The following CDH22 variants were observed in gnomAD, a reference collection of about 807,000 sequenced individuals.
The protein encoded by CDH22 is cadherin 22, also known as cadherin-22.
CDH22 carries 30 observed loss-of-function variants against 58.4 expected under a neutral mutation model. The ratio of observed to expected loss-of-function variants is 0.51; its 90% CI spans 0.38 to 0.70. The LOEUF is 0.70. Among genes scored for constraint, CDH22 ranks in the 30% least tolerant of loss-of-function variants. The probability of loss-of-function intolerance (pLI) is 0.00; values close to 1 mark genes in which losing one functional copy is unlikely to be tolerated. For missense variants in CDH22, 1,014 were observed against 1,233.9 expected, an observed-to-expected ratio of 0.82 and a Z score of 2.67; for synonymous variants, 513 against 558.2, an observed-to-expected ratio of 0.92 and a Z score of 1.14.
At chr20:46,263,173 G>C (rs536649826) in intron 1 of CDH22, among the ~76,000 whole-genome samples, 44 of 152,322 alleles carry the variant, frequency 2.9e-4, no homozygotes, top group Admixed American at 2.6e-3. Flanking sequence ...TTGCACTACT[G>C]AATGTGTGAG....
At chr20:46,185,346 T>C (rs1360501726) in intron 10 of CDH22, among the ~76,000 whole-genome samples, 1 of 152,096 alleles carries the variant, frequency 6.6e-6, no homozygotes, top group Non-Finnish European at 1.5e-5. Context: ...GGGAGGAATC[T>C]CACAGTGGAC....
At chr20:46,204,419 G>A (rs6032720) in intron 7 of CDH22, among the ~76,000 whole-genome samples, 4,797 of 137,614 alleles carry the variant, frequency 0.035, 180 homozygotes, top group African/African-American at 0.077. Context: ...AAAAAAAAAA[G>A]AGAGAGAGAC....
At chr20:46,263,440 A>ATG (rs1266960120) in intron 1 of CDH22, among the ~76,000 whole-genome samples, 8 of 123,540 alleles carry the variant, frequency 6.5e-5, no homozygotes, top group Admixed American at 5.7e-4. Flanking sequence ...GTGTGTGTGC[A>ATG]TGTGTGTGTG....
At chr20:46,181,736 C>CTTTCT (rs2085786977) in intron 10 of CDH22, among the ~76,000 whole-genome samples, 1 of 48,970 alleles carries the variant, frequency 2.0e-5, no homozygotes, top group Non-Finnish European at 4.5e-5. Context: ...TCCTTCCTTC[C>CTTTCT]TTCCTTCCTT....
chr20:46,304,706 G>C (rs2086666700), intron 1 of CDH22, among the ~76,000 whole-genome samples: 1 of 152,206 alleles, frequency 6.6e-6, no homozygotes, highest in South Asian at 2.1e-4. Context: ...TCATGTGTTT[G>C]AAATCAGACC....
intron 7 of CDH22, among the ~76,000 whole-genome samples, chr20:46,202,218 T>A (rs1007746151): frequency 1.3e-5 from 2 of 151,986 alleles, no homozygotes; most frequent in African/African-American, 4.8e-5. Context: ...CCAGGAAGTA[T>A]CAAAGGGGGG....
At chr20:46,197,910 C>A (rs1196490408) in intron 8 of CDH22, among the ~76,000 whole-genome samples, 2 of 151,964 alleles carry the variant, frequency 1.3e-5, no homozygotes, top group African/African-American at 4.8e-5. Flanking sequence ...AGAGGGCTGG[C>A]AGGAGGAGCT....
Position 46,241,103 on chromosome 20 carries a change from G to A in CDH22, c.410C>T (p.Ala137Val). ...REQKTFYTLR[A>V]QARDRATNRL... ...GTTGGTGGCGCGATCCCGAGCCTGGGCCCGCAGCGTGTAGAAGGTTTTCTG... is the reference window on the plus strand; with the variant it reads ...GTTGGTGGCGCGATCCCGAGCCTGGACCCGCAGCGTGTAGAAGGTTTTCTG... The change falls in exon 3 of 12, where the codon GCC (alanine) becomes GTC (valine). Residue 137 changes from alanine (A) to valine (V), a missense_variant. Transcript: ENST00000537909. The surrounding 1 kb of genome is among the most constrained non-coding windows in gnomAD (Gnocchi z 5.2). 1.9e-6 allele frequency: 3 copies of A among 1,614,178 alleles called. No homozygotes were observed. The highest frequency in any genetic ancestry group is 2.5e-6 in the Non-Finnish European group (3 of 1,180,030).
chr20:46,202,611 C>A (rs1030732813), intron 7 of CDH22, among the ~76,000 whole-genome samples: 2 of 152,174 alleles, frequency 1.3e-5, no homozygotes, highest in African/African-American at 2.4e-5. Flanking sequence ...CCTCGGCCTC[C>A]CAAAGTGCTG....
intron 1 of CDH22, among the ~76,000 whole-genome samples, chr20:46,260,029 A>T (rs2086425450): frequency 6.6e-6 from 1 of 152,192 alleles, no homozygotes; most frequent in African/African-American, 2.4e-5. Flanking sequence ...AATAGTGACT[A>T]GTCTAAACCA....
intron 1 of CDH22, among the ~76,000 whole-genome samples, chr20:46,304,812 G>A (rs958555172): frequency 1.3e-5 from 2 of 152,232 alleles, no homozygotes; most frequent in Non-Finnish European, 2.9e-5. Context: ...CACCTTTGGA[G>A]TAATTAAAGA....
At chr20:46,291,095 G>A (rs902552624) in intron 1 of CDH22, among the ~76,000 whole-genome samples, 1 of 152,116 alleles carries the variant, frequency 6.6e-6, no homozygotes, top group Non-Finnish European at 1.5e-5. Flanking sequence ...TGGCCAACAT[G>A]GCGAAACCCT....
chr20:46,269,302 A>G (rs2086476312), intron 1 of CDH22, among the ~76,000 whole-genome samples: 1 of 152,148 alleles, frequency 6.6e-6, no homozygotes, highest in African/African-American at 2.4e-5. Flanking sequence ...CTGGAAATCC[A>G]TGACTCCTCA....
At chr20:46,205,014 G>C (rs1301017176) in intron 7 of CDH22, among the ~76,000 whole-genome samples, 2 of 152,130 alleles carry the variant, frequency 1.3e-5, no homozygotes, top group African/African-American at 2.4e-5. Flanking sequence ...GCTCGTGTGT[G>C]TGTGTCGGGG....
intron 10 of CDH22, among the ~76,000 whole-genome samples, chr20:46,181,710 TC>T (rs1380657863): frequency 3.8e-4 from 51 of 134,074 alleles, no homozygotes; most frequent in Non-Finnish European, 6.8e-4. Context: ...TTCTTTTCTT[TC>T]TTTTTTTCCT....
chr20:46,253,892 A>C (rs1730703710), intron 1 of CDH22, among the ~76,000 whole-genome samples: 1 of 152,040 alleles, frequency 6.6e-6, no homozygotes, highest in Non-Finnish European at 1.5e-5. Context: ...GTGGCATGTC[A>C]AGGGGAGATC....
intron 11 of CDH22, among the ~76,000 whole-genome samples, chr20:46,177,178 C>T (rs112880294): frequency 6.6e-6 from 1 of 152,296 alleles, no homozygotes; most frequent in African/African-American, 2.4e-5. Flanking sequence ...AGGCAGCTGA[C>T]ATCTCCCAGG....
rs910041543 is a variant in CDH22 at position 46,300,165 on chromosome 20, C to T, written c.-400+8090G>A. On this transcript the variant is annotated intron_variant, in intron 1 of 11. Transcript: ENST00000537909. The surrounding 1 kb of genome is among the most constrained non-coding windows in gnomAD (Gnocchi z 4.4). ...GCCCTTTCAACTCCAAAATGCATAA[C>T]CCTAAACACAGCCACTTGGATCCTA... 6.6e-6 allele frequency among the ~76,000 whole-genome samples: 1 copy of T among 152,122 alleles called. No individual in the cohort carries two copies. The highest frequency in any genetic ancestry group is 2.4e-5 in the African/African-American group (1 of 41,412).
rs758856908 is a variant in CDH22, at chr20:46,213,124, A to G, written c.903T>C (p.Ala301=). The G allele has an allele frequency of 1.1e-5, 18 of 1,614,058 alleles. No homozygotes were observed. The African/African-American group carries it at 2.4e-4, about 22-fold the overall frequency. ...TGTTCTCTCCCACGTCTGAGTCCTCAGCCTTCACACGTCCCACAGCCGTTC... is the reference window on the plus strand; with the variant it reads ...TGTTCTCTCCCACGTCTGAGTCCTCGGCCTTCACACGTCCCACAGCCGTTC... ...PIGTAVGRVK[A]EDSDVGENTD... Residue 301 remains alanine (A), a synonymous_variant, in exon 6 of 12, where the codon GCT becomes GCC. Coordinates refer to ENST00000537909, the MANE Select transcript of CDH22 (RefSeq NM_021248.3).
Sources: allele counts gnomAD v4.1 joint callset (sites outside exome capture counted in the v4.1 genomes callset), GRCh38; gene constraint gnomAD v4.1.1; non-coding constraint Gnocchi (gnomAD v3.1); transcripts MANE v1.5; gene names NCBI Gene and HGNC (gene_info 2026-07-23, HGNC 2026-07-21).